Variants in FAM13B observed in about 807,000 individuals in gnomAD.
FAM13B encodes the protein family with sequence similarity 13 member B.
FAM13B carries 60 observed loss-of-function variants against 117.3 expected under a neutral mutation model. The observed-to-expected ratio is 0.51, with a 90% confidence interval of 0.42 to 0.63. FAM13B has a LOEUF of 0.63. FAM13B is among the 30% of genes least tolerant of loss of function. The pLI is 0.00. For synonymous variants in FAM13B, 332 were observed against 356.1 expected (o/e 0.93, Z 0.76); for missense variants, 972 against 1,091.9 (o/e 0.89, Z 1.55).
intron 14 of FAM13B, 153 bp from the exon 15 acceptor site, chr5:137,954,529 T>TAC (rs1765935581): frequency 5.3e-4 from 12 of 22,456 alleles, no homozygotes; most frequent in East Asian, 0.012. Flanking sequence ...CACACATACA[T>TAC]GTGTGTGTGT....
rs529727283 is a variant in FAM13B at position 137,944,035 on chromosome 5, G to A, written c.2341-819C>T. Among the ~76,000 whole-genome samples, 50 of 152,106 alleles carry A rather than the reference G, an allele frequency of 3.3e-4. 1 individual carries two copies. Among genetic ancestry groups the A allele is most frequent in the African/African-American group, 9.6e-4 (40 of 41,490 alleles). On this transcript the variant is annotated intron_variant, in intron 20 of 23. Transcript: ENST00000689681. The stretch of plus-strand genomic sequence containing the variant: ...TAGCTGTTACTCATTTGCCTTCTCC[G>A]CCTAGCCCTTGGTAACCACTAATCT...
intron 13 of FAM13B, among the ~76,000 whole-genome samples, chr5:137,957,762 C>T (rs1767015634): frequency 6.6e-6 from 1 of 152,124 alleles, no homozygotes; most frequent in South Asian, 2.1e-4. Context: ...CCTACATAGA[C>T]TTGTTTAGGC....
At chr5:138,009,533 A>AG (rs1783425514) in intron 6 of FAM13B, among the ~76,000 whole-genome samples, 1 of 151,956 alleles carries the variant, frequency 6.6e-6, no homozygotes, top group African/African-American at 2.4e-5. Context: ...GACCAGGTGC[A>AG]GTGGCTCATG....
rs1004191283 is a variant in FAM13B, at chr5:137,972,893, A to G, written c.1180-10424T>C. Reference sequence around the variant, plus strand: ...AGAGAATAAAATACCTAGGAATCCAACTTACAAGGGATGTGAAGGACCTCT... The same window carrying G: ...AGAGAATAAAATACCTAGGAATCCAGCTTACAAGGGATGTGAAGGACCTCT... On this transcript the variant is annotated intron_variant, in intron 10 of 23. Transcript: ENST00000689681. Among the ~76,000 whole-genome samples the G allele has an allele frequency of 1.2e-3, 186 of 151,938 alleles. 4 individuals carry two copies. The highest frequency in any genetic ancestry group is 0.01 in the Middle Eastern group (3 of 294).
At chr5:137,957,355 AAC>A (rs1766863761) in intron 13 of FAM13B, among the ~76,000 whole-genome samples, 2 of 152,072 alleles carry the variant, frequency 1.3e-5, no homozygotes, top group South Asian at 2.1e-4. Flanking sequence ...CAGCCTGACC[AAC>A]ACAGAGAAAC....
At chr5:137,953,294 A>C in intron 16 of FAM13B, 42 bp downstream of exon 16, 1 of 1,604,846 alleles carries the variant, frequency 6.2e-7, no homozygotes, top group Non-Finnish European at 8.5e-7. Context: ...TCTCAGTTCT[A>C]ATATTAGATT....
chr5:137,953,266 G>T (rs1765537608), intron 16 of FAM13B, 70 bp downstream of exon 16: 1 of 1,534,154 alleles, frequency 6.5e-7, no homozygotes, highest in Non-Finnish European at 8.9e-7. Flanking sequence ...CTAAACTAAT[G>T]CTTTTGAAAA....
intron 10 of FAM13B, among the ~76,000 whole-genome samples, chr5:137,976,457 A>T (rs375248566): frequency 1.3e-5 from 2 of 152,274 alleles, no homozygotes; most frequent in Admixed American, 1.3e-4. Context: ...TTTGATTATA[A>T]ATCAGAGAAA....
intron 7 of FAM13B, among the ~76,000 whole-genome samples, chr5:137,990,924 T>A (rs1200197745): frequency 3.3e-5 from 5 of 152,196 alleles, no homozygotes; most frequent in African/African-American, 1.2e-4. Context: ...AAATTTCTTA[T>A]GGAAATCTAT....
chr5:137,972,819 GACAA>G (rs1192615704), intron 10 of FAM13B, among the ~76,000 whole-genome samples: 1 of 152,086 alleles, frequency 6.6e-6, no homozygotes, highest in Admixed American at 6.6e-5. Flanking sequence ...ACCAACAACA[GACAA>G]ACAGAGCCAA....
intron 11 of FAM13B, among the ~76,000 whole-genome samples, chr5:137,961,767 T>A (rs1053768482): frequency 6.6e-6 from 1 of 152,210 alleles, no homozygotes; most frequent in Non-Finnish European, 1.5e-5. Context: ...AAGAAAGTTA[T>A]ACTTTTTGGC....
intron 18 of FAM13B, among the ~76,000 whole-genome samples, chr5:137,947,610 C>T (rs1225783980): frequency 7.3e-5 from 11 of 151,184 alleles, no homozygotes; most frequent in Admixed American, 6.6e-4. Context: ...GAGACGAGGT[C>T]TCGCTCTGTT....
chr5:138,008,025 T>G (rs1429023230), intron 6 of FAM13B, among the ~76,000 whole-genome samples: 1 of 152,194 alleles, frequency 6.6e-6, no homozygotes, highest in African/African-American at 2.4e-5. Flanking sequence ...TTTTTCCTGA[T>G]GGACAAATAC....
At chr5:138,036,286 C>T (rs1209349061), upstream of FAM13B, 1 of 384,020 alleles carries the variant, frequency 2.6e-6, no homozygotes, top group Non-Finnish European at 5.2e-6. Context: ...GAGCTTTTTT[C>T]TCATGGTGCT....
chr5:137,954,535 T>C, intron 14 of FAM13B, 159 bp from the exon 15 acceptor site: 1 of 376,710 alleles, frequency 2.7e-6, no homozygotes, highest in Non-Finnish European at 4.6e-6. Flanking sequence ...TACATGTGTG[T>C]GTGTATATAT....
At chr5:138,030,709 C>T (rs1339883832) in intron 1 of FAM13B, among the ~76,000 whole-genome samples, 2 of 134,180 alleles carry the variant, frequency 1.5e-5, no homozygotes, top group Middle Eastern at 3.6e-3. Context: ...AATGAAACTC[C>T]GTCCCCCCCC....
chr5:138,048,456 A>G (rs1456821871), intron 1 of FAM13B, among the ~76,000 whole-genome samples: 2 of 152,212 alleles, frequency 1.3e-5, no homozygotes. Context: ...AGAGGCCTCT[A>G]TGTGAACTAG....
At chr5:137,997,758 T>C (rs1279221605) in intron 7 of FAM13B, among the ~76,000 whole-genome samples, 1 of 152,070 alleles carries the variant, frequency 6.6e-6, no homozygotes, top group African/African-American at 2.4e-5. Context: ...CAAGCAAACA[T>C]TTAAACCACT....
At chr5:138,004,749 G>A (rs191643277) in intron 7 of FAM13B, among the ~76,000 whole-genome samples, 3 of 152,192 alleles carry the variant, frequency 2.0e-5, no homozygotes, top group East Asian at 1.9e-4. Flanking sequence ...GCATGGTAGC[G>A]AGCACCTGTG....
Sources: gnomAD v4.1 joint callset for allele counts (sites outside exome capture counted in the v4.1 genomes callset) on GRCh38, gnomAD v4.1.1 for gene constraint, MANE v1.5 for transcripts, NCBI Gene and HGNC (gene_info 2026-07-23, HGNC 2026-07-21) for gene names.